The following INTS7 variants were observed in gnomAD, a reference collection of about 807,000 sequenced individuals.
INTS7 encodes the protein integrator complex subunit 7.
INTS7 carries 46 observed loss-of-function variants against 109.2 expected under a neutral mutation model. That is an observed-to-expected ratio of 0.42 (90% confidence interval 0.33 to 0.54). The LOEUF (loss-of-function observed/expected upper bound fraction) is 0.54, where lower values mean the gene tolerates loss of function less well. Ranked by LOEUF, INTS7 falls within the 20% of genes least tolerant of loss-of-function variation. The pLI is 0.07. For missense variants in INTS7, 929 were observed against 1,132.4 expected (o/e 0.82, Z 2.58); for synonymous variants, 412 against 402.9 (o/e 1.02, Z -0.27).
intron 1 of INTS7, among the ~76,000 whole-genome samples, chr1:212,024,967 C>T (rs952300152): frequency 1.3e-5 from 2 of 152,196 alleles, no homozygotes; most frequent in African/African-American, 4.8e-5. Context: ...CTGTTTCCAT[C>T]CTAAATGCGC....
chr1:211,948,832 T>C (rs1258535099), intron 17 of INTS7, among the ~76,000 whole-genome samples: 1 of 152,192 alleles, frequency 6.6e-6, no homozygotes, highest in Non-Finnish European at 1.5e-5. Flanking sequence ...ATCAGCCTCC[T>C]GAGTAGCTGG....
In INTS7 at chr1:211,958,369, C is replaced by A. The variant is rs376472438; in HGVS notation, c.2184-5668G>T. On this transcript the variant is annotated intron_variant, in intron 16 of 19. Transcript: ENST00000366994. ...GCTTGTAATATTTCTGATGAGAAAT[C>A]AGTAGATATTCTGATCTTTCTTCCC... Among the ~76,000 whole-genome samples the A allele has an allele frequency of 7.8e-4, 119 of 152,174 alleles. 2 individuals are homozygous for A. The South Asian group carries it at 0.024, about 31-fold the overall frequency.
Position 212,033,652 on chromosome 1 carries a change from T to C in INTS7, c.94+1692A>G, listed in dbSNP as rs189525785. ...CACAACCACTATCCTATTGTCAGCA[T>C]GAGACAAGCTCAGCTGCACCAGAAT... On this transcript the variant is annotated intron_variant, in intron 1 of 19. Coordinates refer to ENST00000366994, the MANE Select transcript of INTS7 (RefSeq NM_015434.4). Among the ~76,000 whole-genome samples, 14 of 152,308 alleles carry C rather than the reference T, an allele frequency of 9.2e-5. No individual in the cohort carries two copies. In the East Asian group the frequency reaches 2.7e-3, roughly 29 times the overall value.
chr1:211,992,704 A>T (rs541405009), intron 7 of INTS7, among the ~76,000 whole-genome samples: 4 of 152,304 alleles, frequency 2.6e-5, no homozygotes, highest in South Asian at 4.1e-4. Context: ...TAATAAAATT[A>T]AAAAACACTG....
In INTS7 at chr1:211,941,761, A is replaced by C. The variant is rs1198435028; in HGVS notation, c.*63T>G. 1 of 1,559,394 alleles carries C rather than the reference A, an allele frequency of 6.4e-7. No homozygotes were observed. The highest frequency in any genetic ancestry group is 8.7e-7 in the Non-Finnish European group (1 of 1,153,808). ...ACTTTAATACTTATTCCATATGAAAAACCAAACTGTTTCTGGCAATTTGAT... is the reference window on the plus strand; with the variant it reads ...ACTTTAATACTTATTCCATATGAAACACCAAACTGTTTCTGGCAATTTGAT... On this transcript the variant is annotated 3_prime_UTR_variant, in exon 20 of 20. Coordinates refer to ENST00000366994, the MANE Select transcript of INTS7 (RefSeq NM_015434.4).
chr1:212,000,801 C>G (rs1665633899), intron 7 of INTS7, among the ~76,000 whole-genome samples: 1 of 152,098 alleles, frequency 6.6e-6, no homozygotes, highest in Non-Finnish European at 1.5e-5. Flanking sequence ...AACTTTTTAC[C>G]ATAATACCTA....
chr1:211,966,668 T>C (rs1421465847), intron 15 of INTS7, among the ~76,000 whole-genome samples, 170 bp from the exon 16 acceptor site: 6 of 152,094 alleles, frequency 3.9e-5, no homozygotes, highest in African/African-American at 7.2e-5. Flanking sequence ...GGGATATACA[T>C]TGTCTATAAT....
In INTS7 at chr1:212,032,610, G is replaced by A. The variant is rs184941387; in HGVS notation, c.94+2734C>T. On this transcript the variant is annotated intron_variant, in intron 1 of 19. Transcript: ENST00000366994. Reference sequence around the variant, plus strand: ...TCCTGCCTCAGCCTCCCAAGTAGCTGGAACTACAGGTGCCCACCACCACGC... The same window carrying A: ...TCCTGCCTCAGCCTCCCAAGTAGCTAGAACTACAGGTGCCCACCACCACGC... Among the ~76,000 whole-genome samples, 539 of 151,936 alleles carry A rather than the reference G, an allele frequency of 3.5e-3. 5 individuals are homozygous for A. The highest frequency in any genetic ancestry group is 0.012 in the African/African-American group (504 of 41,426).
intron 13 of INTS7, among the ~76,000 whole-genome samples, chr1:211,969,042 C>G (rs578075462): frequency 5.9e-5 from 9 of 151,870 alleles, no homozygotes; most frequent in Non-Finnish European, 1.0e-4. Flanking sequence ...CCCAGCACTT[C>G]GGGAGGTCGA....
At chr1:211,969,452 A>T (rs1344939139) in intron 13 of INTS7, among the ~76,000 whole-genome samples, 1 of 151,806 alleles carries the variant, frequency 6.6e-6, no homozygotes, top group Non-Finnish European at 1.5e-5. Context: ...GGCAGGAGGA[A>T]TATGTTTCTA....
chr1:211,993,357 G>C (rs1348639560), intron 7 of INTS7, among the ~76,000 whole-genome samples: 1 of 152,174 alleles, frequency 6.6e-6, no homozygotes, highest in Non-Finnish European at 1.5e-5. Context: ...CTGTAACAGA[G>C]AGGTTGCATA....
Position 211,968,712 on chromosome 1 carries a change from G to GGA in INTS7, c.1816-6_1816-5insTC, listed in dbSNP as rs1558031494. 1.1e-5 allele frequency: 15 copies of GGA among 1,384,588 alleles called. No individual in the cohort carries two copies. The highest frequency in any genetic ancestry group is 8.1e-5 in the South Asian group (6 of 74,402). The allele number at this position is 1,384,588 out of a possible 1,614,324, so 85.8% of individuals were successfully genotyped here. A position where few individuals can be genotyped will look rare whatever the true frequency, so the allele number is the denominator to read the frequency against. ...ATTCAGTGGTGTACTAGCTGCCTGG[G>GGA]AAAAAAAAAAAAAAGAGATATTTAA... On this transcript the variant is annotated splice_polypyrimidine_tract_variant and splice_region_variant and intron_variant, in intron 13 of 19. Transcript: ENST00000366994.
chr1:212,009,976 T>C (rs1429255158), intron 5 of INTS7, among the ~76,000 whole-genome samples: 3 of 152,220 alleles, frequency 2.0e-5, no homozygotes, highest in African/African-American at 7.2e-5. Context: ...TGAAGGACAA[T>C]TTAAATGCGT....
At chr1:211,980,040 C>T (rs2102425876) in intron 10 of INTS7, among the ~76,000 whole-genome samples, 1 of 152,266 alleles carries the variant, frequency 6.6e-6, no homozygotes. Context: ...TCCCACTGTG[C>T]TGAATCCAGC....
Position 211,981,105 on chromosome 1 carries a change from CT to C in INTS7, c.1217del (p.Gln406ArgfsTer4). 1 of 1,610,232 alleles carries C rather than the reference CT, an allele frequency of 6.2e-7. No individual in the cohort carries two copies. The highest frequency in any genetic ancestry group is 8.5e-7 in the Non-Finnish European group (1 of 1,176,838). ...LCSQDDSPGAQATLKIALNCM... is the reference protein window; with the variant it reads ...LCSQDDSPGAXATLKIALNCM... ...TAAAAGTTTTCACCTTTAAAGTGGC[CT>C]GAGCACCTGGACTATCATCTTGACT... On this transcript the variant is annotated frameshift_variant, in exon 10 of 20. Transcript: ENST00000366994. LOFTEE classifies it high-confidence loss of function.
intron 5 of INTS7, among the ~76,000 whole-genome samples, chr1:212,009,747 T>A (rs1239219447): frequency 6.6e-6 from 1 of 152,164 alleles, no homozygotes; most frequent in African/African-American, 2.4e-5. Context: ...TGAGATCTTG[T>A]CTGATGCAGC....
intron 13 of INTS7, among the ~76,000 whole-genome samples, chr1:211,973,937 CCT>C (rs1242088119): frequency 6.6e-6 from 1 of 152,170 alleles, no homozygotes; most frequent in African/African-American, 2.4e-5. Flanking sequence ...GACAAGGTCT[CCT>C]CTCTGTCAAT....
intron 4 of INTS7, among the ~76,000 whole-genome samples, chr1:212,015,052 G>C (rs1666352403): frequency 6.6e-6 from 1 of 151,958 alleles, no homozygotes; most frequent in East Asian, 1.9e-4. Flanking sequence ...GAGGTGAGGA[G>C]CGCCTCCGCC....
intron 7 of INTS7, among the ~76,000 whole-genome samples, chr1:212,005,172 T>A (rs529602921): frequency 2.2e-4 from 33 of 152,210 alleles, no homozygotes; most frequent in African/African-American, 7.7e-4. Flanking sequence ...AATGGGATAG[T>A]ACATTACAAT....
Sources: gnomAD v4.1 joint callset for allele counts (sites outside exome capture counted in the v4.1 genomes callset) on GRCh38, gnomAD v4.1.1 for gene constraint, MANE v1.5 for transcripts, NCBI Gene and HGNC (gene_info 2026-07-23, HGNC 2026-07-21) for gene names.